DLC1: variants seen among roughly 807,000 people sequenced by gnomAD.
The protein encoded by DLC1 is DLC1 Rho GTPase activating protein, also known as rho GTPase-activating protein 7.
DLC1 carries 54 observed loss-of-function variants against 140.3 expected under a neutral mutation model. The observed-to-expected ratio is 0.38, with a 90% CI of 0.31 to 0.48. DLC1 has a LOEUF of 0.48. Among genes scored for constraint, DLC1 ranks in the 20% least tolerant of loss-of-function variants. The pLI, the probability that DLC1 is intolerant of heterozygous loss-of-function variation, is 0.96. For missense variants in DLC1, 2,536 were observed against 1,907.0 expected (o/e 1.33, Z -6.14); for synonymous variants, 986 against 728.1 (o/e 1.35, Z -5.70).
In DLC1 at chr8:13,499,406, C is replaced by T. The variant is rs954964043; in HGVS notation, c.666G>A (p.Glu222=). 4.3e-6 allele frequency: 7 copies of T among 1,613,766 alleles called. No homozygotes were observed. The highest frequency in any genetic ancestry group is 1.3e-5 in the African/African-American group (1 of 74,942). Residue 222 remains glutamate, a synonymous_variant, in exon 2 of 18, where the codon GAG becomes GAA. Coordinates refer to ENST00000276297, the MANE Select transcript of DLC1 (RefSeq NM_182643.3). The part of the protein sequence containing the change: ...DTLNVKDIAP[E]KQLLNSAVIA... ...TTACAGCAGAGTTAAGCAATTGTTT[C>T]TCAGGTGCAATATCTTTCACGTTCA...
At chr8:13,603,593 C>T (rs920427089) in intron 1 of DLC1, among the ~76,000 whole-genome samples, 6 of 152,106 alleles carry the variant, frequency 3.9e-5, no homozygotes, top group East Asian at 1.9e-4. Flanking sequence ...AAAATGTCTT[C>T]GCTCTCTACA....
chr8:13,326,398 C>G (rs530562314), intron 4 of DLC1, among the ~76,000 whole-genome samples: 7 of 152,186 alleles, frequency 4.6e-5, no homozygotes, highest in African/African-American at 1.7e-4. Flanking sequence ...AAAGGCTGAC[C>G]AAAAAGAATA....
chr8:13,136,357 C>A (rs925832985), intron 5 of DLC1, among the ~76,000 whole-genome samples: 1 of 152,068 alleles, frequency 6.6e-6, no homozygotes, highest in African/African-American at 2.4e-5. Flanking sequence ...CTAGTAGTTC[C>A]CAGTGTGTCT....
intron 4 of DLC1, among the ~76,000 whole-genome samples, chr8:13,369,790 G>A (rs1835649175): frequency 4.6e-5 from 7 of 151,778 alleles, no homozygotes; most frequent in Admixed American, 3.9e-4. Flanking sequence ...CCCATAAGCT[G>A]TTCTCAACAC....
At position 13,132,963 on chromosome 8, in the gene DLC1, C is replaced by T. The variant is rs1283141031; in HGVS notation, c.1349-17306G>A. The T allele has an allele frequency of 3.1e-6, 5 of 1,610,918 alleles. No individual in the cohort carries two copies. In the African/African-American group the frequency reaches 4.0e-5, roughly 13 times the overall value. ...GCTTACGTGTTAGGATCATGGTGTC[C>T]GGCTTCTTTCTGCACATCAAGCACG... On this transcript the variant is annotated intron_variant, in intron 5 of 17. Coordinates refer to ENST00000276297, the MANE Select transcript of DLC1 (RefSeq NM_182643.3).
intron 2 of DLC1, among the ~76,000 whole-genome samples, chr8:13,466,259 G>T (rs1427483623): frequency 6.6e-6 from 1 of 152,176 alleles, no homozygotes; most frequent in Non-Finnish European, 1.5e-5. Flanking sequence ...CCTGCTCGCT[G>T]AGCCTGCGTG....
intron 5 of DLC1, among the ~76,000 whole-genome samples, chr8:13,260,698 A>T (rs1586025103): frequency 6.6e-6 from 1 of 152,192 alleles, no homozygotes; most frequent in Non-Finnish European, 1.5e-5. Flanking sequence ...TATATCATTT[A>T]TATATATGGT....
intron 5 of DLC1, among the ~76,000 whole-genome samples, chr8:13,284,976 C>A (rs1193595375): frequency 6.6e-6 from 1 of 152,080 alleles, no homozygotes; most frequent in Non-Finnish European, 1.5e-5. Context: ...AACACAAGAC[C>A]ATTAAAAATT....
intron 5 of DLC1, among the ~76,000 whole-genome samples, chr8:13,266,814 G>C (rs1488851820): frequency 2.0e-5 from 3 of 152,086 alleles, no homozygotes; most frequent in Non-Finnish European, 2.9e-5. Context: ...ACAAAAAACT[G>C]TTAGAAACTG....
intron 2 of DLC1, among the ~76,000 whole-genome samples, chr8:13,447,751 A>G (rs1263640506): frequency 1.3e-5 from 2 of 152,162 alleles, no homozygotes; most frequent in African/African-American, 4.8e-5. Context: ...CTGGAGTATG[A>G]GGTGTTATTA....
At chr8:13,201,118 TGAGAAAAC>T (rs1827356420) in intron 5 of DLC1, among the ~76,000 whole-genome samples, 1 of 150,558 alleles carries the variant, frequency 6.6e-6, no homozygotes, top group Non-Finnish European at 1.5e-5. Flanking sequence ...AATTGGCAAT[TGAGAAAAC>T]AAGGAAACAA....
intron 2 of DLC1, among the ~76,000 whole-genome samples, chr8:13,443,298 A>G (rs543542565): frequency 6.6e-6 from 1 of 151,234 alleles, no homozygotes; most frequent in East Asian, 2.0e-4. Context: ...GCACATGTAT[A>G]CATATGTAAC....
intron 5 of DLC1, among the ~76,000 whole-genome samples, chr8:13,223,781 T>G (rs1241379938): frequency 6.6e-6 from 1 of 152,234 alleles, no homozygotes; most frequent in East Asian, 1.9e-4. Flanking sequence ...TTATTTTAGC[T>G]TTAAAGTCTT....
chr8:13,452,037 C>T (rs28375739), intron 2 of DLC1, among the ~76,000 whole-genome samples: 3,021 of 151,936 alleles, frequency 0.02, 88 homozygotes, highest in African/African-American at 0.069. Context: ...ACTTTATTGC[C>T]ATTAAGTCTG....
At chr8:13,317,813 G>C (rs2116889262) in intron 4 of DLC1, among the ~76,000 whole-genome samples, 1 of 152,266 alleles carries the variant, frequency 6.6e-6, no homozygotes, top group East Asian at 1.9e-4. Flanking sequence ...AGCAAAGTCA[G>C]AGAAATAAGT....
rs922053280 is a variant in DLC1, at chr8:13,397,398, A to G, written c.1174-3705T>C. ...GAAAAATGGAGAGCAGCCAGAAGCCAGGAGAGCAGTGAAAGTCAAGGAAGA... is the reference window on the plus strand; with the variant it reads ...GAAAAATGGAGAGCAGCCAGAAGCCGGGAGAGCAGTGAAAGTCAAGGAAGA... On this transcript the variant is annotated intron_variant, in intron 3 of 17. Transcript: ENST00000276297. 1.8e-4 allele frequency among the ~76,000 whole-genome samples: 27 copies of G among 152,194 alleles called. 1 individual carries two copies. Among genetic ancestry groups the G allele is most frequent in the South Asian group, 4.1e-4 (2 of 4,828 alleles).
At chr8:13,355,708 C>A (rs565324546) in intron 4 of DLC1, among the ~76,000 whole-genome samples, 1 of 152,254 alleles carries the variant, frequency 6.6e-6, no homozygotes, top group East Asian at 1.9e-4. Context: ...TGTAGAACAA[C>A]ATTTGAAGTA....
At chr8:13,109,080 T>A (rs1030592920) in intron 7 of DLC1, among the ~76,000 whole-genome samples, 3 of 152,208 alleles carry the variant, frequency 2.0e-5, no homozygotes, top group African/African-American at 4.8e-5. Flanking sequence ...AGAACTAGTC[T>A]AGTCCATACA....
At chr8:13,143,844 G>GAGAGAGAGAGAGAGAGAC (rs1554584116) in intron 5 of DLC1, among the ~76,000 whole-genome samples, 5 of 148,168 alleles carry the variant, frequency 3.4e-5, no homozygotes, top group Non-Finnish European at 7.4e-5. Flanking sequence ...GAGAGAGAGA[G>GAGAGAGAGAGAGAGAGAC]AGAGAGAGAC....
Sources: gnomAD v4.1 joint callset for allele counts (sites outside exome capture counted in the v4.1 genomes callset) on GRCh38, gnomAD v4.1.1 for gene constraint, MANE v1.5 for transcripts, NCBI Gene and HGNC (gene_info 2026-07-23, HGNC 2026-07-21) for gene names.